The following ABHD6 variants were observed in gnomAD, a reference collection of about 807,000 sequenced individuals.
ABHD6 encodes the protein abhydrolase domain containing 6, acylglycerol lipase, also known as monoacylglycerol lipase ABHD6.
A neutral mutation model predicts 38.8 loss-of-function variants in ABHD6; 33 were observed. The observed-to-expected ratio is 0.85, with a 90% confidence interval of 0.64 to 1.14. The LOEUF (loss-of-function observed/expected upper bound fraction) is 1.14, where lower values mean the gene tolerates loss of function less well. Among genes scored for constraint, ABHD6 ranks in the 50% most tolerant of loss-of-function variants. The pLI is 0.00. For synonymous variants in ABHD6, 147 were observed against 161.6 expected (o/e 0.91, Z 0.69); for missense variants, 380 against 422.6 (o/e 0.90, Z 0.88).
At chr3:58,290,187 C>G (rs1575534211) in intron 9 of ABHD6, among the ~76,000 whole-genome samples, 2 of 106,598 alleles carry the variant, frequency 1.9e-5, no homozygotes, top group Admixed American at 8.4e-5. Context: ...CCACCTCCCT[C>G]CCGGACGGGG....
chr3:58,250,631 A>G (rs185086513), intron 2 of ABHD6, among the ~76,000 whole-genome samples: 2 of 152,226 alleles, frequency 1.3e-5, no homozygotes, highest in African/African-American at 2.4e-5. Flanking sequence ...CGAATCATAC[A>G]AAGTCCTACA....
chr3:58,242,592 C>G (rs1002023013), intron 1 of ABHD6, among the ~76,000 whole-genome samples: 1 of 152,186 alleles, frequency 6.6e-6, no homozygotes, highest in African/African-American at 2.4e-5. Context: ...TATCATTTGG[C>G]ATTGACCAAG....
chr3:58,281,852 A>G (rs1250428292), intron 7 of ABHD6, among the ~76,000 whole-genome samples: 4 of 152,234 alleles, frequency 2.6e-5, no homozygotes. Flanking sequence ...GCGGTGGTTC[A>G]TGCCTGTAAT....
rs2097447497 is a variant in ABHD6 at position 58,274,701 on chromosome 3, A to G, written c.567A>G (p.Lys189=). The change falls in exon 7 of 10, where the codon AAA becomes AAG. Residue 189 remains lysine, a synonymous_variant. Coordinates refer to ENST00000478253, the MANE Select transcript of ABHD6 (RefSeq NM_001320126.2). ...STDNQFVQRL[K]ELQGSAAVEK... is the part of the protein sequence containing the mutation. ...ACAATCAATTTGTACAACGGCTCAA[A>G]GAACTGCAGGGCTCTGCCGCCGTGG... 1 of 1,614,122 alleles carries G rather than the reference A, an allele frequency of 6.2e-7. No homozygotes were observed. The highest frequency in any genetic ancestry group is 1.3e-5 in the African/African-American group (1 of 74,932).
At chr3:58,276,642 G>T (rs1559780606) in intron 7 of ABHD6, among the ~76,000 whole-genome samples, 1 of 152,146 alleles carries the variant, frequency 6.6e-6, no homozygotes, top group Non-Finnish European at 1.5e-5. Flanking sequence ...GTCTATTTTG[G>T]CTTTTGTTGC....
intron 6 of ABHD6, among the ~76,000 whole-genome samples, chr3:58,272,181 A>C (rs1189716541): frequency 6.6e-6 from 1 of 152,074 alleles, no homozygotes; most frequent in African/African-American, 2.4e-5. Context: ...TGTGCATCTC[A>C]ATGACTTTTT....
At chr3:58,255,064 A>G (rs1277231475) in intron 2 of ABHD6, among the ~76,000 whole-genome samples, 1 of 152,154 alleles carries the variant, frequency 6.6e-6, no homozygotes, top group African/African-American at 2.4e-5. Context: ...TTATAAGCTC[A>G]TAAGACAGGA....
intron 7 of ABHD6, among the ~76,000 whole-genome samples, chr3:58,283,102 T>A (rs2097454495): frequency 6.6e-6 from 1 of 152,146 alleles, no homozygotes; most frequent in Non-Finnish European, 1.5e-5. Flanking sequence ...AGGGAATAGA[T>A]CCCATTCAGA....
chr3:58,267,249 C>A lies in ABHD6; in HGVS notation c.180C>A (p.Phe60Leu). The A allele has an allele frequency of 6.2e-7, 1 of 1,614,204 alleles. No individual in the cohort carries two copies. The highest frequency in any genetic ancestry group is 8.5e-7 in the Non-Finnish European group (1 of 1,180,016). ...ATGTTCACCATGAAGACTATCAGTT[C>A]TGTTATTCCTTCCGGGGCAGGCCTG... The part of the protein sequence containing the change: ...VRYVHHEDYQ[F>L]CYSFRGRPGH... Residue 60 changes from phenylalanine (F) to leucine (L), a missense_variant, in exon 4 of 10, where the codon TTC becomes TTA. Phe to Leu is a conservative substitution (Grantham distance 22, BLOSUM62 0). Transcript: ENST00000478253. This position sits in a 1 kb window ranked among gnomAD's most constrained non-coding sequence, Gnocchi z 4.3.
intron 7 of ABHD6, among the ~76,000 whole-genome samples, chr3:58,282,594 A>G (rs1020428443): frequency 6.6e-5 from 10 of 151,992 alleles, no homozygotes; most frequent in African/African-American, 2.4e-4. Flanking sequence ...TAATTAGCCA[A>G]GTGTGGTGGT....
Position 58,251,170 on chromosome 3 carries a change from A to C in ABHD6, c.-26+1228A>C, listed in dbSNP as rs1432498116. Among the ~76,000 whole-genome samples, 3 of 152,134 alleles carry C rather than the reference A, an allele frequency of 2.0e-5. No homozygotes were observed. Among genetic ancestry groups the C allele is most frequent in the African/African-American group, 7.2e-5 (3 of 41,416 alleles). ...TGTCTCTACTAAAAAGACAAAAATT[A>C]GCTAGGCATGGTGGCAGATGCCTGT... is the stretch of plus-strand genomic sequence containing the variant. On this transcript the variant is annotated intron_variant, in intron 2 of 9. Transcript: ENST00000478253. This position sits in a 1 kb window ranked among gnomAD's most constrained non-coding sequence, Gnocchi z 5.4.
rs2097458422 is a variant in ABHD6 at position 58,287,545 on chromosome 3, CAT to C, written c.837+2093_837+2094del. Among the ~76,000 whole-genome samples the C allele has an allele frequency of 6.6e-6, 1 of 152,174 alleles. No homozygotes were observed. The highest frequency in any genetic ancestry group is 1.5e-5 in the Non-Finnish European group (1 of 68,036). On this transcript the variant is annotated intron_variant, in intron 9 of 9. Transcript: ENST00000478253. The surrounding 1 kb of genome is among the most constrained non-coding windows in gnomAD (Gnocchi z 4.7). Reference sequence around the variant, plus strand: ...TGTGGACGTGGAGAGAAGGGGATCTCATGTGCTCTCTTCTGCAGCGCCAAGGG... The same window carrying C: ...TGTGGACGTGGAGAGAAGGGGATCTCGTGCTCTCTTCTGCAGCGCCAAGGG...
In ABHD6 at chr3:58,256,542, A is replaced by G; in HGVS notation, c.-25-20A>G. On this transcript the variant is annotated intron_variant, in intron 2 of 9. Coordinates refer to ENST00000478253, the MANE Select transcript of ABHD6 (RefSeq NM_001320126.2). This position sits in a 1 kb window ranked among gnomAD's most constrained non-coding sequence, Gnocchi z 4.3. The stretch of plus-strand genomic sequence containing the variant: ...TTTGATACAGAGTTTTAATATCGTC[A>G]TTCTCTTTGGCCCCTGCAGGAGTCA... The G allele has an allele frequency of 2.1e-6, 3 of 1,414,624 alleles. No individual in the cohort carries two copies. The highest frequency in any genetic ancestry group is 1.9e-5 in the Admixed American group (1 of 54,052). The allele number at this position is 1,414,624 out of a possible 1,614,324, so 87.6% of individuals were successfully genotyped here.
chr3:58,241,696 C>T (rs1212651568), intron 1 of ABHD6, among the ~76,000 whole-genome samples: 1 of 152,162 alleles, frequency 6.6e-6, no homozygotes, highest in East Asian at 1.9e-4. Context: ...GCAGACCCTG[C>T]CCAGAGACTA....
intron 1 of ABHD6, among the ~76,000 whole-genome samples, chr3:58,242,117 G>A (rs1181922255): frequency 1.3e-5 from 2 of 152,160 alleles, no homozygotes; most frequent in East Asian, 3.9e-4. Context: ...GGGGAGAGAG[G>A]AGCAGGTGTG....
At position 58,294,522 on chromosome 3, in the gene ABHD6, C is replaced by CT. The variant is rs2097466041; in HGVS notation, c.*758dup. On this transcript the variant is annotated 3_prime_UTR_variant, in exon 10 of 10. Transcript: ENST00000478253. ...AAGCAATAATGTTCTAGACATCTGT[C>CT]TAAGTAATCAGACTCAGGTTCCACA... is the stretch of plus-strand genomic sequence containing the variant. The CT allele has an allele frequency of 6.5e-6, 1 of 152,738 alleles. No individual in the cohort carries two copies. The highest frequency in any genetic ancestry group is 2.4e-5 in the African/African-American group (1 of 41,562). The allele number at this position is 152,738 out of a possible 1,614,324, so 9.5% of individuals were successfully genotyped here. A position where few individuals can be genotyped will look rare whatever the true frequency, so the allele number is the denominator to read the frequency against.
chr3:58,285,128 T>C lies in ABHD6; in HGVS notation c.725T>C (p.Phe242Ser), dbSNP rs750450288. The change falls in exon 8 of 10, where the codon TTC becomes TCC. Residue 242 changes from phenylalanine (F) to serine (S), a missense_variant. By Grantham distance (155) the Phe-to-Ser change is radical. Coordinates refer to ENST00000478253, the MANE Select transcript of ABHD6 (RefSeq NM_001320126.2). This position sits in a 1 kb window ranked among gnomAD's most constrained non-coding sequence, Gnocchi z 4.9. Reference sequence around the variant, plus strand: ...GATGTCCGCATCCCTCATAACAACTTCTACCGAAAGTGTAAGTAGCCCTAC... The same window carrying C: ...GATGTCCGCATCCCTCATAACAACTCCTACCGAAAGTGTAAGTAGCCCTAC... ...LVDVRIPHNN[F>S]YRKLFLEIVS... 3 of 1,614,166 alleles carry C rather than the reference T, an allele frequency of 1.9e-6. No homozygotes were observed. The South Asian group carries it at 3.3e-5, about 18-fold the overall frequency.
intron 1 of ABHD6, among the ~76,000 whole-genome samples, chr3:58,248,776 C>T (rs2097428123): frequency 6.6e-6 from 1 of 152,196 alleles, no homozygotes; most frequent in Non-Finnish European, 1.5e-5. Flanking sequence ...TGCCAAATTG[C>T]AATCTGTAGA....
rs374113668 is a variant in ABHD6 at position 58,264,787 on chromosome 3, TAGTA to T, written c.120-2401_120-2398del. ...TTTATTTAAAAATTTGGGGGGTACA[TAGTA>T]GGTATATATGGGGTACACAAGATGT... On this transcript the variant is annotated intron_variant, in intron 3 of 9. Transcript: ENST00000478253. Among the ~76,000 whole-genome samples the T allele has an allele frequency of 2.8e-4, 42 of 152,242 alleles. No individual in the cohort carries two copies. The South Asian group carries it at 3.7e-3, about 14-fold the overall frequency.
Sources: allele counts gnomAD v4.1 joint callset (sites outside exome capture counted in the v4.1 genomes callset), GRCh38; gene constraint gnomAD v4.1.1; non-coding constraint Gnocchi (gnomAD v3.1); transcripts MANE v1.5; gene names NCBI Gene and HGNC (gene_info 2026-07-23, HGNC 2026-07-21).